The following SH3BGRL3 variants were observed in gnomAD, a reference collection of about 807,000 sequenced individuals.
SH3BGRL3 encodes SH3 domain binding glutamate rich protein like 3, also known as SH3 domain-binding glutamic acid-rich-like protein 3.
Under a neutral mutation model 11.9 loss-of-function variants are expected in SH3BGRL3, and 8 were observed. The ratio of observed to expected loss-of-function variants is 0.67; its 90% CI spans 0.40 to 1.22. The LOEUF (loss-of-function observed/expected upper bound fraction) is 1.22. Among genes scored for constraint, SH3BGRL3 ranks in the 50% most tolerant of loss-of-function variants. SH3BGRL3 has a pLI of 0.01. For synonymous variants in SH3BGRL3, 55 were observed against 52.3 expected (o/e 1.05, Z -0.22); for missense variants, 119 against 120.1 (o/e 0.99, Z 0.04).
At chr1:26,280,956 T>TTGGGGGGGGGGGCGGGGGGGGG in intron 2 of SH3BGRL3, 24 bp downstream of exon 2, 9 of 764,842 alleles carry the variant, frequency 1.2e-5, no homozygotes, top group Non-Finnish European at 1.9e-5. Flanking sequence ...GACGGGGGGG[T>TTGGGGGGGGGGGCGGGGGGGGG]GGGGGGAGTG....
At position 26,280,856 on chromosome 1, in the gene SH3BGRL3, G is replaced by T; in HGVS notation, c.140G>T (p.Arg47Met). 6.2e-7 allele frequency: 1 copy of T among 1,613,996 alleles called. No homozygotes were observed. Among genetic ancestry groups the T allele is most frequent in the Non-Finnish European group, 8.5e-7 (1 of 1,180,010 alleles). Residue 47 changes from arginine to methionine, a missense_variant, in exon 2 of 3, where the codon AGG becomes ATG. Arg to Met is a moderately conservative substitution (Grantham distance 91). Coordinates refer to ENST00000270792, the MANE Select transcript of SH3BGRL3 (RefSeq NM_031286.4). ...LVDISQDNAL[R>M]DEMRALAGNP... Reference sequence around the variant, plus strand: ...GACATCTCCCAGGACAACGCCCTGAGGGATGAGATGCGAGCCTTGGCAGGC... The same window carrying T: ...GACATCTCCCAGGACAACGCCCTGATGGATGAGATGCGAGCCTTGGCAGGC...
At chr1:26,280,360 C>T (rs1183402377) in intron 1 of SH3BGRL3, among the ~76,000 whole-genome samples, 157 bp downstream of exon 1, 3 of 151,986 alleles carry the variant, frequency 2.0e-5, no homozygotes, top group Non-Finnish European at 2.9e-5. Context: ...GGTCCCGAGG[C>T]CCCATCCTGA....
At position 26,281,221 on chromosome 1, in the gene SH3BGRL3, TCCTAA is replaced by T. The variant is rs2072978796; in HGVS notation, c.*107_*111del. 2.5e-6 allele frequency: 3 copies of T among 1,216,530 alleles called. No individual in the cohort carries two copies. Among genetic ancestry groups the T allele is most frequent in the Non-Finnish European group, 2.3e-6 (2 of 858,150 alleles). The allele number at this position is 1,216,530 out of a possible 1,614,324, so 75.4% of individuals were successfully genotyped here. ...GACCTTTTGACCAACTCCCTGTCATTCCTAACCTAACCTTAGAGTCCCTCCCCCAA... is the reference window on the plus strand; with the variant it reads ...GACCTTTTGACCAACTCCCTGTCATTCCTAACCTTAGAGTCCCTCCCCCAA... On this transcript the variant is annotated 3_prime_UTR_variant, in exon 3 of 3. Coordinates refer to ENST00000270792, the MANE Select transcript of SH3BGRL3 (RefSeq NM_031286.4).
rs1139743 is a variant in SH3BGRL3 at position 26,281,303 on chromosome 1, C to G, written c.*180C>G. ...CTAAATGTAGTCCCCTCTCCTCCAT[C>G]TAAAGGCAACATTCCTTACCCATTA... On this transcript the variant is annotated 3_prime_UTR_variant, in exon 3 of 3. Coordinates refer to ENST00000270792, the MANE Select transcript of SH3BGRL3 (RefSeq NM_031286.4). 1.7e-6 allele frequency: 1 copy of G among 585,966 alleles called. No homozygotes were observed. The highest frequency in any genetic ancestry group is 3.0e-5 in the Admixed American group (1 of 32,798). The allele number at this position is 585,966 out of a possible 1,614,324, so 36.3% of individuals were successfully genotyped here.
Position 26,281,212 on chromosome 1 carries a change from C to A in SH3BGRL3, c.*89C>A. On this transcript the variant is annotated 3_prime_UTR_variant, in exon 3 of 3. Transcript: ENST00000270792. ...GCCATGAAGGACCTTTTGACCAACT[C>A]CCTGTCATTCCTAACCTAACCTTAG... The A allele has an allele frequency of 4.7e-6, 6 of 1,280,614 alleles. No individual in the cohort carries two copies. The South Asian group carries it at 8.0e-5, about 17-fold the overall frequency. The allele number at this position is 1,280,614 out of a possible 1,614,324, so 79.3% of individuals were successfully genotyped here.
chr1:26,281,242 C>T lies in SH3BGRL3; in HGVS notation c.*119C>T. ...TCATTCCTAACCTAACCTTAGAGTC[C>T]CTCCCCCAATGCAGGCCACTTCTCC... On this transcript the variant is annotated 3_prime_UTR_variant, in exon 3 of 3. Coordinates refer to ENST00000270792, the MANE Select transcript of SH3BGRL3 (RefSeq NM_031286.4). 1 of 942,116 alleles carries T rather than the reference C, an allele frequency of 1.1e-6. No homozygotes were observed. The highest frequency in any genetic ancestry group is 1.6e-6 in the Non-Finnish European group (1 of 623,048). 58.4% of individuals were successfully genotyped at this position (942,116 alleles called of 1,614,324 possible). A position where few individuals can be genotyped will look rare whatever the true frequency, so the allele number is the denominator to read the frequency against.
Position 26,280,268 on chromosome 1 carries a change from T to C in SH3BGRL3, c.48+65T>C, listed in dbSNP as rs545571101. Reference sequence around the variant, plus strand: ...GGCTGTATCCCGGTGCTTTGGACCCTAGCGCCCGGGACCCACCCCCAGGAC... The same window carrying C: ...GGCTGTATCCCGGTGCTTTGGACCCCAGCGCCCGGGACCCACCCCCAGGAC... On this transcript the variant is annotated intron_variant, in intron 1 of 2. Coordinates refer to ENST00000270792, the MANE Select transcript of SH3BGRL3 (RefSeq NM_031286.4). The C allele has an allele frequency of 2.0e-5, 28 of 1,423,996 alleles. No homozygotes were observed. In the African/African-American group the frequency reaches 3.9e-4, roughly 20 times the overall value. 88.2% of individuals were successfully genotyped at this position (1,423,996 alleles called of 1,614,324 possible). A position where few individuals can be genotyped will look rare whatever the true frequency, so the allele number is the denominator to read the frequency against.
In SH3BGRL3 at chr1:26,280,880, G is replaced by A; in HGVS notation, c.164G>A (p.Gly55Asp). ...ALRDEMRALA[G>D]NPKATPPQIV... Reference sequence around the variant, plus strand: ...AGGGATGAGATGCGAGCCTTGGCAGGCAACCCCAAGGCCACCCCACCCCAG... The same window carrying A: ...AGGGATGAGATGCGAGCCTTGGCAGACAACCCCAAGGCCACCCCACCCCAG... Residue 55 changes from glycine (G) to aspartate (D), a missense_variant, in exon 2 of 3, where the codon GGC becomes GAC. Transcript: ENST00000270792. The A allele has an allele frequency of 6.6e-7, 1 of 1,522,690 alleles. No individual in the cohort carries two copies. Among genetic ancestry groups the A allele is most frequent in the Non-Finnish European group, 8.9e-7 (1 of 1,125,376 alleles). 94.3% of individuals were successfully genotyped at this position (1,522,690 alleles called of 1,614,324 possible). A position where few individuals can be genotyped will look rare whatever the true frequency, so the allele number is the denominator to read the frequency against.
Position 26,280,839 on chromosome 1 carries a change from C to T in SH3BGRL3, c.123C>T (p.Ser41=). 1.9e-6 allele frequency: 3 copies of T among 1,614,052 alleles called. No individual in the cohort carries two copies. Among genetic ancestry groups the T allele is most frequent in the Non-Finnish European group, 2.5e-6 (3 of 1,180,010 alleles). ...TCCAATACCAGCTAGTGGACATCTC[C>T]CAGGACAACGCCCTGAGGGATGAGA... ...KRIQYQLVDI[S]QDNALRDEMR... is the part of the protein sequence containing the mutation. The change falls in exon 2 of 3, where the codon TCC becomes TCT. Residue 41 remains serine, a synonymous_variant. Coordinates refer to ENST00000270792, the MANE Select transcript of SH3BGRL3 (RefSeq NM_031286.4).
chr1:26,280,144 T>C lies in SH3BGRL3; in HGVS notation c.-12T>C. The C allele has an allele frequency of 6.4e-7, 1 of 1,564,980 alleles. No individual in the cohort carries two copies. Among genetic ancestry groups the C allele is most frequent in the Non-Finnish European group, 8.6e-7 (1 of 1,156,400 alleles). Reference sequence around the variant, plus strand: ...CGCCCTCTGCCCGCCGGCCCGTCTGTCTACCCCCAGCATGAGCGGCCTGCG... The same window carrying C: ...CGCCCTCTGCCCGCCGGCCCGTCTGCCTACCCCCAGCATGAGCGGCCTGCG... On this transcript the variant is annotated 5_prime_UTR_variant, in exon 1 of 3. Coordinates refer to ENST00000270792, the MANE Select transcript of SH3BGRL3 (RefSeq NM_031286.4).
At chr1:26,280,956 T>TTTGGGGGTGGGGGCGGGGGGGGG in intron 2 of SH3BGRL3, 24 bp downstream of exon 2, 1 of 764,952 alleles carries the variant, frequency 1.3e-6, no homozygotes, top group Non-Finnish European at 2.1e-6. Context: ...GACGGGGGGG[T>TTTGGGGGTGGGGGCGGGGGGGGG]GGGGGGAGTG....
rs545012747 is a variant in SH3BGRL3, at chr1:26,281,316, T to C, written c.*193T>C. 1.8e-6 allele frequency: 1 copy of C among 555,354 alleles called. No individual in the cohort carries two copies. The highest frequency in any genetic ancestry group is 2.9e-5 in the East Asian group (1 of 34,464). 34.4% of individuals were successfully genotyped at this position (555,354 alleles called of 1,614,324 possible). A position where few individuals can be genotyped will look rare whatever the true frequency, so the allele number is the denominator to read the frequency against. On this transcript the variant is annotated 3_prime_UTR_variant, in exon 3 of 3. Coordinates refer to ENST00000270792, the MANE Select transcript of SH3BGRL3 (RefSeq NM_031286.4). Reference sequence around the variant, plus strand: ...CCTCTCCTCCATCTAAAGGCAACATTCCTTACCCATTAGTCTCAGAAATTG... The same window carrying C: ...CCTCTCCTCCATCTAAAGGCAACATCCCTTACCCATTAGTCTCAGAAATTG...
At position 26,280,931 on chromosome 1, in the gene SH3BGRL3, G is replaced by T; in HGVS notation, c.215G>T (p.Gly72Val). ...PQIVNGDQYC[G>V]DYELFVEAVE... is the part of the protein sequence containing the mutation. ...ATTGTCAACGGGGACCAGTACTGTG[G>T]GGTATGGGCTGGGGGACGGGGGGGT... is the stretch of plus-strand genomic sequence containing the variant. Residue 72 changes from glycine (G) to valine (V), a missense_variant and splice_region_variant, in exon 2 of 3, where the codon GGG (glycine) becomes GTG (valine). Transcript: ENST00000270792. The T allele has an allele frequency of 6.2e-7, 1 of 1,611,444 alleles. No individual in the cohort carries two copies. The highest frequency in any genetic ancestry group is 8.5e-7 in the Non-Finnish European group (1 of 1,178,546).
At chr1:26,280,545 A>G (rs1303433007) in intron 1 of SH3BGRL3, among the ~76,000 whole-genome samples, 1 of 93,792 alleles carries the variant, frequency 1.1e-5, no homozygotes, top group East Asian at 2.9e-4. Flanking sequence ...ACTTCCCTTC[A>G]CTCTGACCCC....
rs1338201966 is a variant in SH3BGRL3 at position 26,280,344 on chromosome 1, G to C, written c.48+141G>C. On this transcript the variant is annotated intron_variant, in intron 1 of 2. Coordinates refer to ENST00000270792, the MANE Select transcript of SH3BGRL3 (RefSeq NM_031286.4). ...GGCGAGGTGCTGGGCACGGTCTCCC[G>C]GACCCGGTCCCGAGGCCCCATCCTG... The C allele has an allele frequency of 3.7e-6, 4 of 1,070,100 alleles. No homozygotes were observed. In the African/African-American group the frequency reaches 6.7e-5, roughly 18 times the overall value. The allele number at this position is 1,070,100 out of a possible 1,614,324, so 66.3% of individuals were successfully genotyped here. A position where few individuals can be genotyped will look rare whatever the true frequency, so the allele number is the denominator to read the frequency against.
In SH3BGRL3 at chr1:26,280,948, CGGGGGGGTG is replaced by C; in HGVS notation, c.216+22_216+30del. 1 of 685,534 alleles carries C rather than the reference CGGGGGGGTG, an allele frequency of 1.5e-6. No individual in the cohort carries two copies. Among genetic ancestry groups the C allele is most frequent in the Non-Finnish European group, 2.4e-6 (1 of 408,466 alleles). 42.5% of individuals were successfully genotyped at this position (685,534 alleles called of 1,614,324 possible). A position where few individuals can be genotyped will look rare whatever the true frequency, so the allele number is the denominator to read the frequency against. ...GTACTGTGGGGTATGGGCTGGGGGA[CGGGGGGGTG>C]GGGGGAGTGTTGGAAGAGGACTCTA... is the stretch of plus-strand genomic sequence containing the variant. On this transcript the variant is annotated intron_variant, in intron 2 of 2. Coordinates refer to ENST00000270792, the MANE Select transcript of SH3BGRL3 (RefSeq NM_031286.4).
At position 26,280,185 on chromosome 1, in the gene SH3BGRL3, G is replaced by A. The variant is rs1055602552; in HGVS notation, c.30G>A (p.Ser10=). 6.4e-7 allele frequency: 1 copy of A among 1,555,624 alleles called. No homozygotes were observed. The highest frequency in any genetic ancestry group is 2.4e-5 in the East Asian group (1 of 41,258). The change falls in exon 1 of 3, where the codon TCG becomes TCA. Residue 10 remains serine, a synonymous_variant. Transcript: ENST00000270792. ...GCGGCCTGCGCGTCTACAGCACGTC[G>A]GTCACCGGCTCCCGCGAAGTAAGTG... MSGLRVYST[S]VTGSREIKSQ... is the part of the protein sequence containing the mutation.
Position 26,280,217 on chromosome 1 carries a change from C to G in SH3BGRL3, c.48+14C>G. ...GGCTCCCGCGAAGTAAGTGCGCGCC[C>G]GGACTGGCGCTGGGGGAAAGCGCAG... On this transcript the variant is annotated intron_variant, in intron 1 of 2. Coordinates refer to ENST00000270792, the MANE Select transcript of SH3BGRL3 (RefSeq NM_031286.4). The G allele has an allele frequency of 6.6e-7, 1 of 1,517,076 alleles. No individual in the cohort carries two copies. The highest frequency in any genetic ancestry group is 8.8e-7 in the Non-Finnish European group (1 of 1,135,842). The allele number at this position is 1,517,076 out of a possible 1,614,324, so 94.0% of individuals were successfully genotyped here. A position where few individuals can be genotyped will look rare whatever the true frequency, so the allele number is the denominator to read the frequency against.
chr1:26,280,663 G>A lies in SH3BGRL3; in HGVS notation c.49-102G>A. On this transcript the variant is annotated intron_variant, in intron 1 of 2. Transcript: ENST00000270792. The stretch of plus-strand genomic sequence containing the variant: ...CCTCCCCTAGTGTGGAGGGGAATGG[G>A]GGGACAAAAGCTCCTGGTCACAGCC... The A allele has an allele frequency of 3.5e-6, 5 of 1,410,956 alleles. No homozygotes were observed. In the Admixed American group the frequency reaches 7.0e-5, roughly 20 times the overall value. 87.4% of individuals were successfully genotyped at this position (1,410,956 alleles called of 1,614,324 possible). A position where few individuals can be genotyped will look rare whatever the true frequency, so the allele number is the denominator to read the frequency against.
Sources: gnomAD v4.1 joint callset for allele counts (sites outside exome capture counted in the v4.1 genomes callset) on GRCh38, gnomAD v4.1.1 for gene constraint, MANE v1.5 for transcripts, NCBI Gene and HGNC (gene_info 2026-07-23, HGNC 2026-07-21) for gene names.